AGO4: variants seen among roughly 807,000 people sequenced by gnomAD.
The protein encoded by AGO4 is protein argonaute-4.
Under a neutral mutation model 104.7 loss-of-function variants are expected in AGO4, and 33 were observed. That is an observed-to-expected ratio of 0.32 (90% CI 0.24 to 0.42). The LOEUF (loss-of-function observed/expected upper bound fraction) is 0.42, where lower values mean the gene tolerates loss of function less well. AGO4 is among the 10% of genes least tolerant of loss of function. The pLI is 1.00. For synonymous variants in AGO4, 331 were observed against 364.7 expected, an observed-to-expected ratio of 0.91 and a Z score of 1.05; for missense variants, 711 against 1,083.4, an observed-to-expected ratio of 0.66 and a Z score of 4.83.
At position 35,841,834 on chromosome 1, in the gene AGO4, A is replaced by G; in HGVS notation, c.2175+84A>G. On this transcript the variant is annotated intron_variant, in intron 15 of 17. Coordinates refer to ENST00000373210, the MANE Select transcript of AGO4 (RefSeq NM_017629.4). The surrounding 1 kb of genome is among the most constrained non-coding windows in gnomAD (Gnocchi z 4.7). ...CACATATATATATATATATATATAT[A>G]TATACACCATTTTTATACAATTTTT... The G allele has an allele frequency of 2.4e-6, 2 of 841,784 alleles. No individual in the cohort carries two copies. The highest frequency in any genetic ancestry group is 3.1e-6 in the Non-Finnish European group (2 of 637,184). 52.1% of individuals were successfully genotyped at this position (841,784 alleles called of 1,614,324 possible). A position where few individuals can be genotyped will look rare whatever the true frequency, so the allele number is the denominator to read the frequency against.
chr1:35,853,792 T>A lies in AGO4; in HGVS notation c.*187T>A, dbSNP rs1475072362. The A allele has an allele frequency of 6.0e-6, 3 of 503,096 alleles. No individual in the cohort carries two copies. The highest frequency in any genetic ancestry group is 7.2e-6 in the Non-Finnish European group (2 of 278,552). 31.2% of individuals were successfully genotyped at this position (503,096 alleles called of 1,614,324 possible). On this transcript the variant is annotated 3_prime_UTR_variant, in exon 18 of 18. Coordinates refer to ENST00000373210, the MANE Select transcript of AGO4 (RefSeq NM_017629.4). ...CGTCAACAAAATTGAGCCATTTTTT[T>A]AAAGTAATAGATACTAATAGATTAT...
intron 7 of AGO4, among the ~76,000 whole-genome samples, 195 bp from the exon 8 acceptor site, chr1:35,831,232 C>G (rs1644177356): frequency 6.6e-6 from 1 of 151,874 alleles, no homozygotes; most frequent in African/African-American, 2.4e-5. Flanking sequence ...CATGGTGGCA[C>G]ACGCCTATAA....
intron 17 of AGO4, among the ~76,000 whole-genome samples, chr1:35,851,476 A>C (rs946526164): frequency 6.6e-6 from 1 of 152,196 alleles, no homozygotes; most frequent in African/African-American, 2.4e-5. Context: ...CCCAGAGTGA[A>C]CCTGGATGTG....
At chr1:35,812,578 A>G (rs772802023) in intron 1 of AGO4, among the ~76,000 whole-genome samples, 1 of 152,036 alleles carries the variant, frequency 6.6e-6, no homozygotes, top group Non-Finnish European at 1.5e-5. Flanking sequence ...TTATAAAGCT[A>G]TATTTCTTAC....
chr1:35,824,819 T>C (rs900161701), intron 3 of AGO4, among the ~76,000 whole-genome samples: 3 of 152,118 alleles, frequency 2.0e-5, no homozygotes, highest in Non-Finnish European at 4.4e-5. Flanking sequence ...CTTATGATGT[T>C]ATGTTACAGT....
At chr1:35,832,711 T>A in intron 11 of AGO4, 141 bp downstream of exon 11, 1 of 1,132,900 alleles carries the variant, frequency 8.8e-7, no homozygotes, top group Non-Finnish European at 1.2e-6. Flanking sequence ...AAAGACCTTG[T>A]ATTATAGTAA....
At chr1:35,815,031 C>T (rs1643646608) in intron 1 of AGO4, among the ~76,000 whole-genome samples, 1 of 152,124 alleles carries the variant, frequency 6.6e-6, no homozygotes, top group Admixed American at 6.5e-5. Context: ...GCATCCACCA[C>T]CGTGCCCGGC....
Position 35,841,999 on chromosome 1 carries a change from G to T in AGO4, c.2175+249G>T, listed in dbSNP as rs1023028877. Among the ~76,000 whole-genome samples the T allele has an allele frequency of 3.3e-5, 5 of 152,062 alleles. No individual in the cohort carries two copies. The South Asian group carries it at 1.0e-3, about 32-fold the overall frequency. ...TGCTGATTTCTCGAGTTGTTTTTGT[G>T]TCGGGGGGAGTAGGTCAGAAACATG... On this transcript the variant is annotated intron_variant, in intron 15 of 17. Coordinates refer to ENST00000373210, the MANE Select transcript of AGO4 (RefSeq NM_017629.4). This position sits in a 1 kb window ranked among gnomAD's most constrained non-coding sequence, Gnocchi z 4.7.
chr1:35,845,684 T>G (rs1214852239), intron 15 of AGO4, among the ~76,000 whole-genome samples: 1 of 152,178 alleles, frequency 6.6e-6, no homozygotes, highest in Admixed American at 6.5e-5. Context: ...CCAGCCCCAA[T>G]CTACTCTTCA....
At chr1:35,810,424 A>G (rs1353775522) in intron 1 of AGO4, among the ~76,000 whole-genome samples, 1 of 152,178 alleles carries the variant, frequency 6.6e-6, no homozygotes, top group Non-Finnish European at 1.5e-5. Context: ...GAAGCCTTCT[A>G]GTCTTGTTCT....
chr1:35,814,475 G>T (rs1643624926), intron 1 of AGO4, among the ~76,000 whole-genome samples: 1 of 127,134 alleles, frequency 7.9e-6, no homozygotes, highest in African/African-American at 3.1e-5. Context: ...CCCACAACAG[G>T]CCCCAGTGTG....
intron 11 of AGO4, among the ~76,000 whole-genome samples, chr1:35,832,960 C>T (rs920346521): frequency 1.3e-5 from 2 of 152,156 alleles, no homozygotes; most frequent in Non-Finnish European, 1.5e-5. Flanking sequence ...AGTAGGTTCG[C>T]ATCTTACAGA....
intron 16 of AGO4, 47 bp from the exon 17 acceptor site, chr1:35,850,806 CA>C: frequency 1.1e-6 from 1 of 947,830 alleles, no homozygotes; most frequent in South Asian, 1.9e-5. Context: ...AAAACAAAAA[CA>C]AAAAACGAAC....
chr1:35,841,587 T>C lies in AGO4; in HGVS notation c.2041-29T>C, dbSNP rs760440769. On this transcript the variant is annotated intron_variant, in intron 14 of 17. Transcript: ENST00000373210. This position sits in a 1 kb window ranked among gnomAD's most constrained non-coding sequence, Gnocchi z 4.7. ...TGAGAGATACTAGGCAAATTCTCAA[T>C]TAAACATAATTCCATTTCTGTCTTC... The C allele has an allele frequency of 5.0e-6, 8 of 1,613,746 alleles. No individual in the cohort carries two copies. Among genetic ancestry groups the C allele is most frequent in the Non-Finnish European group, 5.1e-6 (6 of 1,179,798 alleles).
intron 1 of AGO4, among the ~76,000 whole-genome samples, chr1:35,814,306 CT>C (rs965569496): frequency 2.0e-5 from 3 of 151,490 alleles, no homozygotes; most frequent in Non-Finnish European, 4.4e-5. Flanking sequence ...AGGTTCATTT[CT>C]TTTTTTTAAA....
Position 35,824,908 on chromosome 1 carries a change from C to T in AGO4, c.307-405C>T, listed in dbSNP as rs138273711. Among the ~76,000 whole-genome samples the T allele has an allele frequency of 7.0e-3, 1,067 of 152,236 alleles. 15 individuals carry two copies. The highest frequency in any genetic ancestry group is 0.022 in the African/African-American group (933 of 41,550). ...TTCAGAACTTTTTCATCATTCCAAA[C>T]GAAAACTCTGTACCTATTAAACAAT... On this transcript the variant is annotated intron_variant, in intron 3 of 17. Transcript: ENST00000373210.
chr1:35,820,269 A>T (rs74064293), intron 2 of AGO4, among the ~76,000 whole-genome samples: 15,366 of 152,004 alleles, frequency 0.1, 1,253 homozygotes, highest in African/African-American at 0.23. Context: ...ATTACAGACA[A>T]CTCCTTCAAG....
intron 15 of AGO4, among the ~76,000 whole-genome samples, chr1:35,848,695 T>C (rs2148686623): frequency 6.6e-6 from 1 of 152,254 alleles, no homozygotes; most frequent in South Asian, 2.1e-4. Flanking sequence ...TTTATATCCC[T>C]TTTAAAGATT....
chr1:35,842,964 C>T (rs1644480914), intron 15 of AGO4, among the ~76,000 whole-genome samples: 1 of 152,138 alleles, frequency 6.6e-6, no homozygotes, highest in South Asian at 2.1e-4. Flanking sequence ...CCTAGGAAGA[C>T]CAGATCTTTC....
Sources: allele counts gnomAD v4.1 joint callset (sites outside exome capture counted in the v4.1 genomes callset), GRCh38; gene constraint gnomAD v4.1.1; non-coding constraint Gnocchi (gnomAD v3.1); transcripts MANE v1.5; gene names NCBI Gene and HGNC (gene_info 2026-07-23, HGNC 2026-07-21).